Variants in PRKCB observed in about 807,000 individuals in gnomAD.
PRKCB encodes the protein protein kinase C beta.
In PRKCB, 13 loss-of-function variants were observed where a neutral mutation model predicts 81.5. That is an observed-to-expected ratio of 0.16 (90% CI 0.10 to 0.25). PRKCB has a LOEUF of 0.25. Among genes scored for constraint, PRKCB ranks in the 10% least tolerant of loss-of-function variants. PRKCB has a pLI of 1.00. For synonymous variants in PRKCB, 335 were observed against 321.4 expected, an observed-to-expected ratio of 1.04 and a Z score of -0.45; for missense variants, 509 against 875.7, an observed-to-expected ratio of 0.58 and a Z score of 5.29.
chr16:23,917,952 T>C (rs1267447991), intron 2 of PRKCB, among the ~76,000 whole-genome samples: 1 of 152,210 alleles, frequency 6.6e-6, no homozygotes, highest in African/African-American at 2.4e-5. Flanking sequence ...TTGTCTTTCT[T>C]GGTGATCTTA....
At chr16:24,194,485 C>T (rs1967850349) in intron 16 of PRKCB, among the ~76,000 whole-genome samples, 1 of 152,160 alleles carries the variant, frequency 6.6e-6, no homozygotes, top group African/African-American at 2.4e-5. Flanking sequence ...TTTATAGCCT[C>T]AGGGGTAGTG....
chr16:24,047,192 A>T (rs986092760), intron 5 of PRKCB, among the ~76,000 whole-genome samples: 29 of 148,220 alleles, frequency 2.0e-4, no homozygotes, highest in African/African-American at 6.8e-4. Flanking sequence ...CAAAAAAAAA[A>T]TTAGCTGGGC....
intron 3 of PRKCB, among the ~76,000 whole-genome samples, chr16:24,021,865 G>T (rs1965409746): frequency 6.6e-6 from 1 of 152,198 alleles, no homozygotes; most frequent in South Asian, 2.1e-4. Context: ...TGCTTGGCAG[G>T]TAGTATGTGT....
At chr16:24,176,836 G>T (rs1272338586) in intron 12 of PRKCB, among the ~76,000 whole-genome samples, 1 of 151,330 alleles carries the variant, frequency 6.6e-6, no homozygotes, top group African/African-American at 2.4e-5. Context: ...AGAGGTTGCA[G>T]TGAGCTGAGA....
chr16:24,108,181 T>C (rs548907722), intron 7 of PRKCB, among the ~76,000 whole-genome samples: 3 of 150,996 alleles, frequency 2.0e-5, no homozygotes, highest in East Asian at 1.9e-4. Flanking sequence ...TTTTTTTTTT[T>C]ATTGGAACAT....
intron 10 of PRKCB, among the ~76,000 whole-genome samples, chr16:24,165,870 C>CT (rs1967335194): frequency 8.7e-6 from 1 of 115,054 alleles, no homozygotes; most frequent in Non-Finnish European, 1.9e-5. Flanking sequence ...AGATTTTTTT[C>CT]TTTTCTTTCT....
chr16:24,122,595 G>A (rs1380855313), intron 8 of PRKCB, among the ~76,000 whole-genome samples: 1 of 152,088 alleles, frequency 6.6e-6, no homozygotes. Flanking sequence ...AGGTAGCTGG[G>A]ATGACAGGTG....
At chr16:23,896,520 A>T (rs1005968110) in intron 2 of PRKCB, among the ~76,000 whole-genome samples, 3 of 152,188 alleles carry the variant, frequency 2.0e-5, no homozygotes, top group Non-Finnish European at 1.5e-5. Context: ...AAGGAAACCA[A>T]TAAGGGTCTC....
intron 2 of PRKCB, among the ~76,000 whole-genome samples, chr16:23,884,967 A>G (rs1173698818): frequency 2.4e-4 from 3 of 12,366 alleles, no homozygotes; most frequent in African/African-American, 1.0e-3. Flanking sequence ...CTCAAGATGG[A>G]TGATCTTGGG....
In PRKCB at chr16:23,870,654, C is replaced by T. The variant is rs540443450; in HGVS notation, c.205+33248C>T. ...GCTTCAGGGCATCAGCCTGGGGCCA[C>T]ATCAGGACCTACCTGCACGTAGGTT... is the stretch of plus-strand genomic sequence containing the variant. On this transcript the variant is annotated intron_variant, in intron 2 of 16. Transcript: ENST00000643927. 8.5e-5 allele frequency among the ~76,000 whole-genome samples: 13 copies of T among 152,320 alleles called. No individual in the cohort carries two copies. The East Asian group carries it at 2.3e-3, about 27-fold the overall frequency.
At chr16:23,999,649 T>C (rs1329550111) in intron 3 of PRKCB, among the ~76,000 whole-genome samples, 1 of 152,188 alleles carries the variant, frequency 6.6e-6, no homozygotes, top group Non-Finnish European at 1.5e-5. Flanking sequence ...CTCTTGTACC[T>C]CTTAGAGAGA....
At chr16:23,853,883 TTTA>T (rs1349102781) in intron 2 of PRKCB, among the ~76,000 whole-genome samples, 1 of 150,590 alleles carries the variant, frequency 6.6e-6, no homozygotes, top group African/African-American at 2.4e-5. Context: ...GACTGGGTAA[TTTA>T]TAAAGGAAAG....
chr16:23,991,997 G>T (rs1177382132), intron 3 of PRKCB, among the ~76,000 whole-genome samples: 2 of 152,232 alleles, frequency 1.3e-5, no homozygotes, highest in Non-Finnish European at 2.9e-5. Context: ...GAGGTGATCA[G>T]TTCATGGGGG....
At chr16:24,025,382 G>A (rs1054805180) in intron 3 of PRKCB, among the ~76,000 whole-genome samples, 10 of 152,192 alleles carry the variant, frequency 6.6e-5, no homozygotes, top group African/African-American at 4.8e-5. Flanking sequence ...TTATAGGGCT[G>A]TTATGAGGAT....
At chr16:24,042,375 TCA>T in intron 5 of PRKCB, among the ~76,000 whole-genome samples, 1 of 109,460 alleles carries the variant, frequency 9.1e-6, no homozygotes, top group East Asian at 2.8e-4. Context: ...CTTCTTCAGG[TCA>T]CACACAGATA....
chr16:23,931,339 C>T (rs1006514961), intron 2 of PRKCB, among the ~76,000 whole-genome samples: 6 of 152,164 alleles, frequency 3.9e-5, no homozygotes, highest in Admixed American at 3.3e-4. Flanking sequence ...CTCAGTAGAC[C>T]AGGAGGCCTC....
intron 2 of PRKCB, among the ~76,000 whole-genome samples, chr16:23,864,197 C>G (rs1181787111): frequency 6.6e-6 from 1 of 152,170 alleles, no homozygotes; most frequent in Non-Finnish European, 1.5e-5. Flanking sequence ...CTACTTCTTT[C>G]CTAAACACCA....
chr16:24,155,717 C>T (rs1243352137), intron 10 of PRKCB, among the ~76,000 whole-genome samples: 2 of 152,208 alleles, frequency 1.3e-5, no homozygotes, highest in Admixed American at 6.5e-5. Context: ...TACTTTGCAT[C>T]TAATTTGATG....
chr16:23,868,965 A>C, intron 2 of PRKCB: 1 of 361,870 alleles, frequency 2.8e-6, no homozygotes, highest in Non-Finnish European at 5.7e-6. Context: ...ATTGAGCTTG[A>C]CCCATTTCAC....
Sources: allele counts gnomAD v4.1 joint callset (sites outside exome capture counted in the v4.1 genomes callset), GRCh38; gene constraint gnomAD v4.1.1; transcripts MANE v1.5; gene names NCBI Gene and HGNC (gene_info 2026-07-23, HGNC 2026-07-21).